ANKS3: variants seen among roughly 807,000 people sequenced by gnomAD.
ANKS3 encodes ankyrin repeat and SAM domain-containing protein 3.
ANKS3 carries 62 observed loss-of-function variants against 80.7 expected under a neutral mutation model. The observed-to-expected ratio is 0.77, with a 90% confidence interval of 0.63 to 0.95. ANKS3 has a LOEUF of 0.95. Among genes scored for constraint, ANKS3 ranks in the 40% least tolerant of loss-of-function variants. The probability of loss-of-function intolerance (pLI) is 0.00; values close to 1 mark genes in which losing one functional copy is unlikely to be tolerated. For missense variants in ANKS3, 1,150 were observed against 883.6 expected (o/e 1.30, Z -3.82); for synonymous variants, 489 against 355.3 (o/e 1.38, Z -4.23).
intron 5 of ANKS3, among the ~76,000 whole-genome samples, chr16:4,725,568 T>C (rs2081306215): frequency 6.6e-6 from 1 of 152,224 alleles, no homozygotes; most frequent in Admixed American, 6.5e-5. Context: ...GGGTGCTGCA[T>C]TGGTACCCGC....
intron 7 of ANKS3, among the ~76,000 whole-genome samples, chr16:4,712,317 T>C (rs1352435781): frequency 6.6e-6 from 1 of 151,942 alleles, no homozygotes; most frequent in Non-Finnish European, 1.5e-5. Flanking sequence ...GTTGCGGAGG[T>C]TGCAGTGAGC....
At chr16:4,700,543 T>C in intron 11 of ANKS3, 1 of 342,832 alleles carries the variant, frequency 2.9e-6, no homozygotes, top group Non-Finnish European at 5.7e-6. Context: ...GTCACACCTC[T>C]GATCCCTAAG....
chr16:4,724,827 G>C lies in ANKS3; in HGVS notation c.496C>G (p.Pro166Ala). Residue 166 changes from proline (P) to alanine (A), a missense_variant, in exon 6 of 18, where the codon CCG becomes GCG. Physicochemically the swap from Pro to Ala is conservative, Grantham distance 27 (BLOSUM62 -1). Coordinates refer to ENST00000304283, the MANE Select transcript of ANKS3 (RefSeq NM_133450.4). ...DSGANANVRE[P>A]ICGFTPLMEA... is the part of the protein sequence containing the mutation. The stretch of plus-strand genomic sequence containing the variant: ...ATCAAGGGAGTAAATCCACATATCG[G>C]CTCCCTGCAAGATGTGGGCCACAGT... 9 of 1,613,858 alleles carry C rather than the reference G, an allele frequency of 5.6e-6. No homozygotes were observed. Among genetic ancestry groups the C allele is most frequent in the Non-Finnish European group, 7.6e-6 (9 of 1,179,880 alleles).
rs745933379 is a variant in ANKS3 at position 4,714,074 on chromosome 16, G to A, written c.686C>T (p.Pro229Leu). Residue 229 changes from proline (P) to leucine (L), a missense_variant, in exon 7 of 18, where the codon CCC (proline) becomes CTC (leucine). By Grantham distance (98) the Pro-to-Leu change is moderately conservative. Coordinates refer to ENST00000304283, the MANE Select transcript of ANKS3 (RefSeq NM_133450.4). ...ACCTGGGCTCCGATAGAGGCTCTTG[G>A]GCAGAGAGGGCGAGTAAGTGTCCAT... is the stretch of plus-strand genomic sequence containing the variant. ...ALMDTYSPSLPKSLYRSPEKY... is the reference protein window; with the variant it reads ...ALMDTYSPSLLKSLYRSPEKY... 12 of 1,614,060 alleles carry A rather than the reference G, an allele frequency of 7.4e-6. No homozygotes were observed. In the African/African-American group the frequency reaches 1.6e-4, roughly 22 times the overall value.
chr16:4,699,205 A>AG, intron 11 of ANKS3, 29 bp from the exon 12 acceptor site: 1 of 1,612,076 alleles, frequency 6.2e-7, no homozygotes, highest in Non-Finnish European at 8.5e-7. Context: ...AGGTTGGGGG[A>AG]GGTAGTGGCT....
intron 7 of ANKS3, among the ~76,000 whole-genome samples, chr16:4,709,864 A>G (rs1684587): frequency 0.41 from 62,301 of 151,912 alleles, 15,341 homozygotes; most frequent in East Asian, 0.65. Flanking sequence ...ATAAAACATT[A>G]GCCAGGTGTG....
chr16:4,697,194 G>T (rs2079608651), intron 16 of ANKS3, 90 bp from the exon 17 acceptor site: 3 of 1,560,026 alleles, frequency 1.9e-6, no homozygotes, highest in Admixed American at 3.4e-5. Flanking sequence ...GATGTGACCT[G>T]CCCCTCACCC....
chr16:4,698,133 T>G (rs2079681384), intron 14 of ANKS3, 71 bp from the exon 15 acceptor site: 1 of 1,481,168 alleles, frequency 6.8e-7, no homozygotes, highest in African/African-American at 1.4e-5. Context: ...CCTCAGACCT[T>G]CTAGGGGAGG....
chr16:4,698,088 G>C, intron 14 of ANKS3, 26 bp from the exon 15 acceptor site: 3 of 1,583,692 alleles, frequency 1.9e-6, no homozygotes, highest in Non-Finnish European at 1.7e-6. Context: ...ACAAATATTG[G>C]TGAGAGCAGA....
chr16:4,704,952 G>C (rs2080104872), intron 8 of ANKS3, 143 bp downstream of exon 8: 2 of 1,059,668 alleles, frequency 1.9e-6, no homozygotes, highest in Admixed American at 2.3e-5. Context: ...GTCTCCCTGA[G>C]CATGAAAGCT....
chr16:4,726,010 C>G (rs2081330235), intron 5 of ANKS3, among the ~76,000 whole-genome samples: 1 of 142,378 alleles, frequency 7.0e-6, no homozygotes, highest in South Asian at 2.2e-4. Flanking sequence ...GAGTCTTGCT[C>G]TGTCACCCAG....
intron 6 of ANKS3, among the ~76,000 whole-genome samples, chr16:4,723,256 C>G (rs1242149701): frequency 6.6e-6 from 1 of 152,194 alleles, no homozygotes; most frequent in African/African-American, 2.4e-5. Context: ...TCACCACAAA[C>G]AATTTTAGCA....
At chr16:4,711,642 C>T (rs754772118) in intron 7 of ANKS3, among the ~76,000 whole-genome samples, 19 of 148,552 alleles carry the variant, frequency 1.3e-4, no homozygotes, top group Non-Finnish European at 2.2e-4. Context: ...CACTTGAACC[C>T]GGGAGGCAGA....
intron 1 of ANKS3, 95 bp downstream of exon 1, chr16:4,733,843 G>T: frequency 1.2e-6 from 1 of 839,556 alleles, no homozygotes; most frequent in Non-Finnish European, 1.4e-6. Context: ...GTCTGTGAAA[G>T]CACCCAGGCA....
intron 8 of ANKS3, among the ~76,000 whole-genome samples, chr16:4,704,584 A>C (rs1362145625): frequency 5.9e-5 from 9 of 152,144 alleles, no homozygotes. Flanking sequence ...GAAAACCCAA[A>C]GGCTAGGATT....
intron 7 of ANKS3, among the ~76,000 whole-genome samples, chr16:4,709,421 A>T (rs1238342522): frequency 6.6e-6 from 1 of 151,854 alleles, no homozygotes; most frequent in Non-Finnish European, 1.5e-5. Flanking sequence ...AAAAAAAAAA[A>T]TTAAAAAATA....
chr16:4,723,377 G>C (rs1490996889), intron 6 of ANKS3, among the ~76,000 whole-genome samples: 4 of 152,172 alleles, frequency 2.6e-5, no homozygotes, highest in African/African-American at 9.6e-5. Flanking sequence ...AAATCACCTA[G>C]TGTGTGGCCT....
intron 8 of ANKS3, 105 bp from the exon 9 acceptor site, chr16:4,702,347 C>A (rs374274866): frequency 3.3e-6 from 4 of 1,207,380 alleles, no homozygotes; most frequent in Non-Finnish European, 4.3e-6. Flanking sequence ...CATGACCTCA[C>A]CTACTTGCCC....
At chr16:4,711,818 A>G (rs998981698) in intron 7 of ANKS3, among the ~76,000 whole-genome samples, 1 of 152,064 alleles carries the variant, frequency 6.6e-6, no homozygotes, top group Non-Finnish European at 1.5e-5. Flanking sequence ...AATATAATTT[A>G]CCAAAACTGA....
Sources: allele counts gnomAD v4.1 joint callset (sites outside exome capture counted in the v4.1 genomes callset), GRCh38; gene constraint gnomAD v4.1.1; transcripts MANE v1.5; gene names NCBI Gene and HGNC (gene_info 2026-07-23, HGNC 2026-07-21).